ONECUT3: variants seen among roughly 807,000 people sequenced by gnomAD.
ONECUT3 encodes the protein one cut domain family member 3.
ONECUT3 carries 11 observed loss-of-function variants against 16.8 expected under a neutral mutation model. The ratio of observed to expected loss-of-function variants is 0.66; its 90% CI spans 0.41 to 1.09. The LOEUF is 1.09. Among genes scored for constraint, ONECUT3 ranks in the 50% least tolerant of loss-of-function variants. ONECUT3 has a pLI of 0.00. For synonymous variants in ONECUT3, 344 were observed against 310.7 expected, an observed-to-expected ratio of 1.11 and a Z score of -1.13; for missense variants, 637 against 629.9, an observed-to-expected ratio of 1.01 and a Z score of -0.12.
At chr19:1,757,437 G>A (rs1322990147) in intron 1 of ONECUT3, among the ~76,000 whole-genome samples, 1 of 152,242 alleles carries the variant, frequency 6.6e-6, no homozygotes, top group Non-Finnish European at 1.5e-5. Flanking sequence ...GGGGTGCGTG[G>A]GGGAACCGGA....
At chr19:1,771,395 G>C (rs1054674975) in intron 1 of ONECUT3, among the ~76,000 whole-genome samples, 1 of 152,146 alleles carries the variant, frequency 6.6e-6, no homozygotes, top group Admixed American at 6.5e-5. Flanking sequence ...TTAAGTTTTG[G>C]AGTCCTTGAA....
intron 1 of ONECUT3, among the ~76,000 whole-genome samples, chr19:1,760,556 C>A (rs900733299): frequency 2.0e-5 from 3 of 152,036 alleles, no homozygotes; most frequent in Non-Finnish European, 2.9e-5. Context: ...GCCTGCGCTG[C>A]GCTTCCCCCT....
chr19:1,769,687 A>G lies in ONECUT3; in HGVS notation c.1193-5466A>G, dbSNP rs149705084. On this transcript the variant is annotated intron_variant, in intron 1 of 1. Transcript: ENST00000382349. ...GCATCCAGGCGGCCCCCCTACTCCA[A>G]CTCACACCTCTGTCAGCGGCTGTGG... is the stretch of plus-strand genomic sequence containing the variant. 1.4e-3 allele frequency among the ~76,000 whole-genome samples: 217 copies of G among 151,686 alleles called. 2 individuals carry two copies. The highest frequency in any genetic ancestry group is 4.7e-3 in the African/African-American group (196 of 41,290).
rs3051476 is a variant in ONECUT3, at chr19:1,780,973, T to TAAAAAAAAAAAAAA, written c.*5530_*5543dup. On this transcript the variant is annotated 3_prime_UTR_variant, in exon 2 of 2. Transcript: ENST00000382349. The stretch of plus-strand genomic sequence containing the variant: ...ACCCTTGGGCGACAGGCTTAAAAGC[T>TAAAAAAAAAAAAAA]AAAAAAAAAAAAAAATCTCGTCATT... The TAAAAAAAAAAAAAA allele has an allele frequency of 7.2e-6, 1 of 138,736 alleles. No homozygotes were observed. 8.6% of individuals were successfully genotyped at this position (138,736 alleles called of 1,614,324 possible). A position where few individuals can be genotyped will look rare whatever the true frequency, so the allele number is the denominator to read the frequency against.
In ONECUT3 at chr19:1,753,959, G is replaced by T; in HGVS notation, c.297G>T (p.Pro99=). 1.0e-6 allele frequency: 1 copy of T among 990,350 alleles called. No individual in the cohort carries two copies. Among genetic ancestry groups the T allele is most frequent in the Non-Finnish European group, 1.2e-6 (1 of 834,838 alleles). 61.3% of individuals were successfully genotyped at this position (990,350 alleles called of 1,614,324 possible). The part of the protein sequence containing the change: ...HPAMGMACEA[P]GLGGTYTTLT... ...CAATGGGCATGGCCTGCGAGGCGCC[G>T]GGCCTGGGCGGCACCTACACGACGC... Residue 99 remains proline, a synonymous_variant, in exon 1 of 2, where the codon CCG becomes CCT. Transcript: ENST00000382349.
In ONECUT3 at chr19:1,775,405, G is replaced by A. The variant is rs745705867; in HGVS notation, c.1445G>A (p.Gly482Glu). The change falls in exon 2 of 2, where the codon GGG (glycine) becomes GAG (glutamate). Residue 482 changes from glycine to glutamate, a missense_variant. By Grantham distance (98) the Gly-to-Glu change is moderately conservative. Transcript: ENST00000382349. ...RWAEEPSTAP[G>E]GPAGATATFS... ...GCTGAGGAGCCCAGCACGGCCCCCG[G>A]GGGCCCCGCCGGCGCCACGGCCACT... 3.9e-4 allele frequency: 598 copies of A among 1,532,168 alleles called. 5 individuals carry two copies. Among genetic ancestry groups the A allele is most frequent in the Middle Eastern group, 2.3e-4 (1 of 4,376 alleles). The allele number at this position is 1,532,168 out of a possible 1,614,324, so 94.9% of individuals were successfully genotyped here.
At chr19:1,760,606 G>A (rs1482692393) in intron 1 of ONECUT3, among the ~76,000 whole-genome samples, 7 of 151,856 alleles carry the variant, frequency 4.6e-5, no homozygotes, top group Admixed American at 4.6e-4. Context: ...TTGTGGGCAT[G>A]TGAGTCCTCT....
At position 1,755,621 on chromosome 19, in the gene ONECUT3, T is replaced by C. The variant is rs1385343255; in HGVS notation, c.1192+767T>C. On this transcript the variant is annotated intron_variant, in intron 1 of 1. Coordinates refer to ENST00000382349, the MANE Select transcript of ONECUT3 (RefSeq NM_001080488.2). This position sits in a 1 kb window ranked among gnomAD's most constrained non-coding sequence, Gnocchi z 7.5. Reference sequence around the variant, plus strand: ...CGCCCCTGCCCGCCTGGCTTTGGGGTTTTGTGTCTCTCATGTCCACTTCTC... The same window carrying C: ...CGCCCCTGCCCGCCTGGCTTTGGGGCTTTGTGTCTCTCATGTCCACTTCTC... Among the ~76,000 whole-genome samples, 1 of 151,848 alleles carries C rather than the reference T, an allele frequency of 6.6e-6. No individual in the cohort carries two copies. The highest frequency in any genetic ancestry group is 1.5e-5 in the Non-Finnish European group (1 of 67,926).
intron 1 of ONECUT3, among the ~76,000 whole-genome samples, chr19:1,768,353 G>C (rs1178574655): frequency 6.6e-6 from 1 of 152,148 alleles, no homozygotes; most frequent in Non-Finnish European, 1.5e-5. Context: ...GAGTGAGTGA[G>C]GCCAGCGGGG....
In ONECUT3 at chr19:1,776,412, C is replaced by T. The variant is rs2068109657; in HGVS notation, c.*967C>T. ...TCTGCACGGGCCCGTGGAGACGCTT[C>T]CTGCGTGGAACCTTCTGGAATCCAC... On this transcript the variant is annotated 3_prime_UTR_variant, in exon 2 of 2. Transcript: ENST00000382349. This position sits in a 1 kb window ranked among gnomAD's most constrained non-coding sequence, Gnocchi z 4.9. The T allele has an allele frequency of 1.3e-5, 2 of 152,244 alleles. No homozygotes were observed. The highest frequency in any genetic ancestry group is 2.1e-4 in the South Asian group (1 of 4,834). 9.4% of individuals were successfully genotyped at this position (152,244 alleles called of 1,614,324 possible).
In ONECUT3 at chr19:1,762,237, C is replaced by T. The variant is rs1352737900; in HGVS notation, c.1192+7383C>T. On this transcript the variant is annotated intron_variant, in intron 1 of 1. Coordinates refer to ENST00000382349, the MANE Select transcript of ONECUT3 (RefSeq NM_001080488.2). The surrounding 1 kb of genome is among the most constrained non-coding windows in gnomAD (Gnocchi z 4.4). ...CGTGCCTTCCGCGCGCCCCCAGCTGCGCCCGCCAGCCCTCCAACCCTCCTG... is the reference window on the plus strand; with the variant it reads ...CGTGCCTTCCGCGCGCCCCCAGCTGTGCCCGCCAGCCCTCCAACCCTCCTG... Among the ~76,000 whole-genome samples the T allele has an allele frequency of 6.6e-6, 1 of 152,202 alleles. No homozygotes were observed. The highest frequency in any genetic ancestry group is 1.5e-5 in the Non-Finnish European group (1 of 68,042).
In ONECUT3 at chr19:1,754,119, C is replaced by G. The variant is rs1371675025; in HGVS notation, c.457C>G (p.Pro153Ala). 23 of 1,029,004 alleles carry G rather than the reference C, an allele frequency of 2.2e-5. No individual in the cohort carries two copies. Among genetic ancestry groups the G allele is most frequent in the Non-Finnish European group, 2.6e-5 (22 of 860,990 alleles). The allele number at this position is 1,029,004 out of a possible 1,614,324, so 63.7% of individuals were successfully genotyped here. A position where few individuals can be genotyped will look rare whatever the true frequency, so the allele number is the denominator to read the frequency against. Residue 153 changes from proline (P) to alanine (A), a missense_variant, in exon 1 of 2, where the codon CCG (proline) becomes GCG (alanine). Coordinates refer to ENST00000382349, the MANE Select transcript of ONECUT3 (RefSeq NM_001080488.2). This position sits in a 1 kb window ranked among gnomAD's most constrained non-coding sequence, Gnocchi z 7.4. ...CCCGCACCCGGCGGCCGCGCCGCCC[C>G]CGCCACCCCCGCCGCAGCGTCTGGC... ...AHPHPAAAPP[P>A]PPPPQRLAAS...
intron 1 of ONECUT3, among the ~76,000 whole-genome samples, chr19:1,757,581 C>G (rs1157981413): frequency 1.3e-5 from 2 of 151,984 alleles, no homozygotes; most frequent in Non-Finnish European, 2.9e-5. Context: ...CCGCGCGGCC[C>G]CGCGGCCGCG....
Position 1,779,766 on chromosome 19 carries a change from C to G in ONECUT3, c.*4321C>G, listed in dbSNP as rs2068141329. On this transcript the variant is annotated 3_prime_UTR_variant, in exon 2 of 2. Transcript: ENST00000382349. ...GTTCAGTGGTTTTTCGTTACTGTTT[C>G]TTTCCTCCTTTCTAAGGAACTGTGT... The G allele has an allele frequency of 6.6e-6, 1 of 151,996 alleles. No homozygotes were observed. The highest frequency in any genetic ancestry group is 1.5e-5 in the Non-Finnish European group (1 of 68,052). 9.4% of individuals were successfully genotyped at this position (151,996 alleles called of 1,614,324 possible). A position where few individuals can be genotyped will look rare whatever the true frequency, so the allele number is the denominator to read the frequency against.
intron 1 of ONECUT3, 27 bp from the exon 2 acceptor site, chr19:1,775,126 G>GGGGGGCCCCCCCC: frequency 8.7e-7 from 1 of 1,143,900 alleles, no homozygotes; most frequent in Non-Finnish European, 1.2e-6. Flanking sequence ...TGTCCCGCTC[G>GGGGGGCCCCCCCC]CCCGCCCGCC....
rs2145958217 is a variant in ONECUT3 at position 1,759,245 on chromosome 19, G to T, written c.1192+4391G>T. 6.6e-6 allele frequency among the ~76,000 whole-genome samples: 1 copy of T among 152,288 alleles called. No homozygotes were observed. The highest frequency in any genetic ancestry group is 1.9e-4 in the East Asian group (1 of 5,180). ...TGAGCAGGGGGGATGCCAGGGACTG[G>T]GGACCTGAGGGGAAGGACATGGAAA... On this transcript the variant is annotated intron_variant, in intron 1 of 1. Coordinates refer to ENST00000382349, the MANE Select transcript of ONECUT3 (RefSeq NM_001080488.2). This position sits in a 1 kb window ranked among gnomAD's most constrained non-coding sequence, Gnocchi z 4.1.
chr19:1,753,789 C>A lies in ONECUT3; in HGVS notation c.127C>A (p.Arg43Ser). 1.0e-6 allele frequency: 1 copy of A among 973,188 alleles called. No individual in the cohort carries two copies. The allele number at this position is 973,188 out of a possible 1,614,324, so 60.3% of individuals were successfully genotyped here. A position where few individuals can be genotyped will look rare whatever the true frequency, so the allele number is the denominator to read the frequency against. ...AQHRGLVAPG[R>S]PGLVAGMASL... Reference sequence around the variant, plus strand: ...GCACCGCGGCCTGGTGGCGCCCGGGCGCCCGGGCCTGGTGGCCGGCATGGC... The same window carrying A: ...GCACCGCGGCCTGGTGGCGCCCGGGAGCCCGGGCCTGGTGGCCGGCATGGC... The change falls in exon 1 of 2, where the codon CGC becomes AGC. Residue 43 changes from arginine (R) to serine (S), a missense_variant. Arg to Ser is a moderately radical substitution (Grantham distance 110). Transcript: ENST00000382349.
intron 1 of ONECUT3, among the ~76,000 whole-genome samples, chr19:1,773,435 G>A (rs969185412): frequency 3.9e-5 from 6 of 152,198 alleles, no homozygotes; most frequent in South Asian, 2.1e-4. Flanking sequence ...CACCCTAGAC[G>A]GGTGAACCTG....
rs2068101836 is a variant in ONECUT3 at position 1,775,696 on chromosome 19, G to A, written c.*251G>A. ...GAAGCCCTCCACCCCCCCCCGGAGG[G>A]GAGGGAGTGACAGAAAGGGGTTTCC... is the stretch of plus-strand genomic sequence containing the variant. On this transcript the variant is annotated 3_prime_UTR_variant, in exon 2 of 2. Coordinates refer to ENST00000382349, the MANE Select transcript of ONECUT3 (RefSeq NM_001080488.2). 2.6e-6 allele frequency: 1 copy of A among 380,726 alleles called. No homozygotes were observed. The highest frequency in any genetic ancestry group is 4.9e-5 in the South Asian group (1 of 20,612). 23.6% of individuals were successfully genotyped at this position (380,726 alleles called of 1,614,324 possible). A position where few individuals can be genotyped will look rare whatever the true frequency, so the allele number is the denominator to read the frequency against.
Sources: allele counts gnomAD v4.1 joint callset (sites outside exome capture counted in the v4.1 genomes callset), GRCh38; gene constraint gnomAD v4.1.1; non-coding constraint Gnocchi (gnomAD v3.1); transcripts MANE v1.5; gene names NCBI Gene and HGNC (gene_info 2026-07-23, HGNC 2026-07-21).